PCDHA2: variants seen among roughly 807,000 people sequenced by gnomAD.
PCDHA2 encodes protocadherin alpha 2.
PCDHA2 carries 58 observed loss-of-function variants against 66.0 expected under a neutral mutation model. The observed-to-expected ratio is 0.88, with a 90% CI of 0.71 to 1.09. The LOEUF (loss-of-function observed/expected upper bound fraction) is 1.09, where lower values mean the gene tolerates loss of function less well. Ranked by LOEUF, PCDHA2 falls within the 50% of genes least tolerant of loss-of-function variation. The pLI is 0.00. For missense variants in PCDHA2, 1,267 were observed against 1,242.3 expected, an observed-to-expected ratio of 1.02 and a Z score of -0.30; for synonymous variants, 634 against 554.0, an observed-to-expected ratio of 1.14 and a Z score of -2.03.
At chr5:140,994,573 C>A (rs1587629172) in intron 3 of PCDHA2, among the ~76,000 whole-genome samples, 1 of 152,000 alleles carries the variant, frequency 6.6e-6, no homozygotes, top group African/African-American at 2.4e-5. Context: ...GGTGTGGTGG[C>A]ATGCACTTGT....
At chr5:140,926,217 T>C (rs1201243643) in intron 1 of PCDHA2, among the ~76,000 whole-genome samples, 1 of 151,994 alleles carries the variant, frequency 6.6e-6, no homozygotes, top group African/African-American at 2.4e-5. Flanking sequence ...CCTGTTTCCT[T>C]AAGCCTAGAA....
chr5:140,976,550 CATAA>C (rs782672542), intron 1 of PCDHA2, among the ~76,000 whole-genome samples: 4 of 151,944 alleles, frequency 2.6e-5, no homozygotes, highest in South Asian at 2.1e-4. Flanking sequence ...GACCCTATCT[CATAA>C]ATAAATAAAT....
At chr5:140,927,657 T>A (rs1161396429) in intron 1 of PCDHA2, 6 of 1,614,050 alleles carry the variant, frequency 3.7e-6, no homozygotes, top group Non-Finnish European at 5.1e-6. Flanking sequence ...TATTCCGAGT[T>A]CAAGCCTTGG....
Position 140,851,360 on chromosome 5 carries a change from A to C in PCDHA2, c.2388+54008A>C, listed in dbSNP as rs1554145369. 3.1e-6 allele frequency: 3 copies of C among 978,096 alleles called. No homozygotes were observed. In the African/African-American group the frequency reaches 5.2e-5, roughly 17 times the overall value. 60.6% of individuals were successfully genotyped at this position (978,096 alleles called of 1,614,324 possible). On this transcript the variant is annotated intron_variant, in intron 1 of 3. Transcript: ENST00000526136. ...TACATTTCTCTGGATGGAGACTGTG[A>C]ACATCTGATTGTTCAGCAACCTTCA...
chr5:140,824,127 C>A (rs2150132380), intron 1 of PCDHA2: 3 of 1,613,568 alleles, frequency 1.9e-6, no homozygotes, highest in Non-Finnish European at 2.5e-6. Context: ...CTACAGACAA[C>A]GTGAGTTTTC....
chr5:140,819,042 G>A (rs1766479997), intron 1 of PCDHA2, among the ~76,000 whole-genome samples: 1 of 152,140 alleles, frequency 6.6e-6, no homozygotes, highest in African/African-American at 2.4e-5. Context: ...CCCTTATAGG[G>A]CAGTTATACC....
Position 140,851,473 on chromosome 5 carries a change from G to T in PCDHA2, c.2388+54121G>T. The stretch of plus-strand genomic sequence containing the variant: ...TAGGAATCAAATTATGTCAATAAAT[G>T]TTATAAACACAGCCTTCATTTCAAC... On this transcript the variant is annotated intron_variant, in intron 1 of 3. Coordinates refer to ENST00000526136, the MANE Select transcript of PCDHA2 (RefSeq NM_018905.3). 6.7e-6 allele frequency: 6 copies of T among 889,518 alleles called. 1 individual carries two copies. The highest frequency in any genetic ancestry group is 8.2e-6 in the Non-Finnish European group (6 of 729,154). 55.1% of individuals were successfully genotyped at this position (889,518 alleles called of 1,614,324 possible).
intron 1 of PCDHA2, among the ~76,000 whole-genome samples, chr5:140,912,685 G>A (rs2076025155): frequency 6.6e-6 from 1 of 152,060 alleles, no homozygotes; most frequent in Non-Finnish European, 1.5e-5. Flanking sequence ...CTTATTCCAG[G>A]TCTCAGGGGG....
At chr5:140,913,317 TTGTA>T (rs1269286947) in intron 1 of PCDHA2, among the ~76,000 whole-genome samples, 2 of 152,152 alleles carry the variant, frequency 1.3e-5, no homozygotes, top group African/African-American at 4.8e-5. Flanking sequence ...CCTTGGTAAG[TTGTA>T]TGTGTCTAGG....
chr5:140,978,842 T>A, intron 1 of PCDHA2, 107 bp from the exon 2 acceptor site: 1 of 1,564,670 alleles, frequency 6.4e-7, no homozygotes, highest in East Asian at 2.3e-5. Flanking sequence ...TTCAATACTT[T>A]TTTAGATGCC....
At chr5:140,870,618 C>A in intron 1 of PCDHA2, 1 of 1,613,174 alleles carries the variant, frequency 6.2e-7, no homozygotes, top group Non-Finnish European at 8.5e-7. Context: ...CGCTGTCGAG[C>A]TACGTGTCGG....
chr5:140,907,997 T>G (rs1352895327), intron 1 of PCDHA2, among the ~76,000 whole-genome samples: 1 of 152,186 alleles, frequency 6.6e-6, no homozygotes, highest in East Asian at 1.9e-4. Flanking sequence ...TCCTTAACCA[T>G]CCAGCCAAAC....
At position 140,923,025 on chromosome 5, in the gene PCDHA2, C is replaced by G. The variant is rs547252764; in HGVS notation, c.2389-55924C>G. ...GGTTGTTGGACTGCAGTTTCGGACTCTATTACTACATGTATAGTATTTAGA... is the reference window on the plus strand; with the variant it reads ...GGTTGTTGGACTGCAGTTTCGGACTGTATTACTACATGTATAGTATTTAGA... On this transcript the variant is annotated intron_variant, in intron 1 of 3. Coordinates refer to ENST00000526136, the MANE Select transcript of PCDHA2 (RefSeq NM_018905.3). 2.6e-5 allele frequency among the ~76,000 whole-genome samples: 4 copies of G among 152,296 alleles called. No homozygotes were observed. The East Asian group carries it at 7.7e-4, about 29-fold the overall frequency.
intron 1 of PCDHA2, among the ~76,000 whole-genome samples, chr5:140,923,323 C>T (rs1554201408): frequency 6.6e-6 from 1 of 152,092 alleles, no homozygotes; most frequent in Non-Finnish European, 1.5e-5. Context: ...CCTAGAAGTT[C>T]AAGGACAGTT....
chr5:140,921,057 C>G (rs2079994477), intron 1 of PCDHA2, among the ~76,000 whole-genome samples: 1 of 151,924 alleles, frequency 6.6e-6, no homozygotes, highest in African/African-American at 2.4e-5. Flanking sequence ...ATAGCTCACT[C>G]TAACCTTGAA....
chr5:140,947,192 C>T (rs958443362), intron 1 of PCDHA2, among the ~76,000 whole-genome samples: 2 of 151,038 alleles, frequency 1.3e-5, no homozygotes, highest in Admixed American at 6.6e-5. Flanking sequence ...GTATACTACA[C>T]AGCCTTAAAA....
chr5:140,953,522 G>A (rs246031), intron 1 of PCDHA2, among the ~76,000 whole-genome samples: 85,599 of 151,862 alleles, frequency 0.56, 24,738 homozygotes, highest in African/African-American at 0.69. Flanking sequence ...CAACAAAAAC[G>A]GGAAACTCAC....
At position 140,906,523 on chromosome 5, in the gene PCDHA2, C is replaced by T. The variant is rs145617697; in HGVS notation, c.2389-72426C>T. Among the ~76,000 whole-genome samples, 1,221 of 152,284 alleles carry T rather than the reference C, an allele frequency of 8.0e-3. 6 individuals are homozygous for T. The highest frequency in any genetic ancestry group is 0.019 in the African/African-American group (786 of 41,540). On this transcript the variant is annotated intron_variant, in intron 1 of 3. Transcript: ENST00000526136. ...TTAACAAAGAAGGAGGAAATACTCA[C>T]GACAATTAAAATCCTCATTTCTGCA...
At chr5:140,877,585 T>A (rs2057227188) in intron 1 of PCDHA2, 1 of 1,613,836 alleles carries the variant, frequency 6.2e-7, no homozygotes, top group Non-Finnish European at 8.5e-7. Flanking sequence ...CATCGCCATC[T>A]GTGCGGTGTC....
Sources: allele counts gnomAD v4.1 joint callset (sites outside exome capture counted in the v4.1 genomes callset), GRCh38; gene constraint gnomAD v4.1.1; transcripts MANE v1.5; gene names NCBI Gene and HGNC (gene_info 2026-07-23, HGNC 2026-07-21).